The following CLSPN variants were observed in gnomAD, a reference collection of about 807,000 sequenced individuals.
CLSPN encodes the protein claspin homolog.
Under a neutral mutation model 156.3 loss-of-function variants are expected in CLSPN, and 85 were observed. The observed-to-expected ratio is 0.54, with a 90% CI of 0.46 to 0.65. The LOEUF is 0.65. CLSPN is among the 30% of genes least tolerant of loss of function. The pLI is 0.00. For synonymous variants in CLSPN, 534 were observed against 542.4 expected, an observed-to-expected ratio of 0.98 and a Z score of 0.22; for missense variants, 1,407 against 1,554.9, an observed-to-expected ratio of 0.90 and a Z score of 1.60.
rs1281535139 is a variant in CLSPN, at chr1:35,748,040, G to A, written c.2494C>T (p.Pro832Ser). The change falls in exon 14 of 25, where the codon CCT becomes TCT. Residue 832 changes from proline (P) to serine (S), a missense_variant. By Grantham distance (74) the Pro-to-Ser change is moderately conservative. Transcript: ENST00000318121. ...ASKSSGKLSE[P>S]SLPIEDSQDL... Reference sequence around the variant, plus strand: ...TGGGAATCCTCTATGGGAAGTGAAGGCTCAGACAGTTTCCCTGAACTCTGG... The same window carrying A: ...TGGGAATCCTCTATGGGAAGTGAAGACTCAGACAGTTTCCCTGAACTCTGG... 2 of 1,610,508 alleles carry A rather than the reference G, an allele frequency of 1.2e-6. No individual in the cohort carries two copies. The highest frequency in any genetic ancestry group is 1.7e-5 in the Admixed American group (1 of 58,800).
exon 25 of CLSPN, chr1:35,720,852 G>T: frequency 7.1e-7 from 1 of 1,416,882 alleles, no homozygotes; most frequent in Non-Finnish European, 1.0e-6. Flanking sequence ...GCCCAGAATA[G>T]CCCTTCTCCG....
chr1:35,735,168 G>A lies in CLSPN; in HGVS notation c.*1328C>T. On this transcript the variant is annotated 3_prime_UTR_variant, in exon 25 of 25. Transcript: ENST00000318121. ...GCTTCAAATTGAGAATTCAGTCCCA[G>A]GAAGGGTCTCTCTGCCCCACAGACT... The A allele has an allele frequency of 1.0e-6, 1 of 985,420 alleles. No homozygotes were observed. Among genetic ancestry groups the A allele is most frequent in the Non-Finnish European group, 1.2e-6 (1 of 829,936 alleles). 61.0% of individuals were successfully genotyped at this position (985,420 alleles called of 1,614,324 possible).
In CLSPN at chr1:35,738,565, C is replaced by T; in HGVS notation, c.3448G>A (p.Asp1150Asn). ...TCATCAGAGTCTCTGTGGAACAAGT[C>T]CATCTGGGAAGCATCATCTAAACAA... ...WKNIDDASQM[D>N]LFHRDSDDDQ... The change falls in exon 21 of 25, where the codon GAC becomes AAC. Residue 1150 changes from aspartate to asparagine, a missense_variant. Asp to Asn is a conservative substitution (Grantham distance 23). Transcript: ENST00000318121. 2 of 1,613,952 alleles carry T rather than the reference C, an allele frequency of 1.2e-6. No homozygotes were observed. The highest frequency in any genetic ancestry group is 1.7e-6 in the Non-Finnish European group (2 of 1,179,942).
intron 8 of CLSPN, among the ~76,000 whole-genome samples, chr1:35,758,816 T>TTTTTA (rs1642379508): frequency 6.6e-6 from 1 of 150,740 alleles, no homozygotes. Context: ...TTTTTTTTTT[T>TTTTTA]GAGACAGGAT....
chr1:35,747,279 G>A (rs534773459), intron 14 of CLSPN, among the ~76,000 whole-genome samples: 6 of 151,712 alleles, frequency 4.0e-5, no homozygotes, highest in African/African-American at 1.2e-4. Flanking sequence ...CCGAGATCGC[G>A]CCACTGCACT....
In CLSPN at chr1:35,735,219, A is replaced by G; in HGVS notation, c.*1277T>C. On this transcript the variant is annotated 3_prime_UTR_variant, in exon 25 of 25. Coordinates refer to ENST00000318121, the MANE Select transcript of CLSPN (RefSeq NM_022111.4). ...GTGGTGGACAAACACTGGGTGTAAC[A>G]CTTTATCTTCATCCCCAAGCCCCAG... The G allele has an allele frequency of 5.1e-6, 5 of 985,430 alleles. No homozygotes were observed. Among genetic ancestry groups the G allele is most frequent in the Non-Finnish European group, 6.0e-6 (5 of 829,930 alleles). 61.0% of individuals were successfully genotyped at this position (985,430 alleles called of 1,614,324 possible).
At chr1:35,742,216 C>T (rs1439559636) in intron 18 of CLSPN, among the ~76,000 whole-genome samples, 1 of 152,162 alleles carries the variant, frequency 6.6e-6, no homozygotes, top group Admixed American at 6.5e-5. Context: ...AAGTGGCAAA[C>T]TATTAACTGA....
At position 35,769,917 on chromosome 1, in the gene CLSPN, T is replaced by G. The variant is rs2148630661; in HGVS notation, c.-47A>C. The G allele has an allele frequency of 1.2e-6, 2 of 1,601,502 alleles. No homozygotes were observed. The highest frequency in any genetic ancestry group is 1.3e-5 in the African/African-American group (1 of 74,528). On this transcript the variant is annotated 5_prime_UTR_variant, in exon 1 of 25. Transcript: ENST00000318121. ...CCACTAGGGACGGAGCTGTCTCTGATTCCCTCAGCCGGAGAGCAGCGGCTC... is the reference window on the plus strand; with the variant it reads ...CCACTAGGGACGGAGCTGTCTCTGAGTCCCTCAGCCGGAGAGCAGCGGCTC...
chr1:35,769,802 GC>G, intron 1 of CLSPN, 44 bp downstream of exon 1: 1 of 1,572,806 alleles, frequency 6.4e-7, no homozygotes. Flanking sequence ...ACCTCTCGGT[GC>G]CCGGCCTTCT....
intron 23 of CLSPN, 43 bp downstream of exon 23, chr1:35,737,296 A>C: frequency 6.5e-7 from 1 of 1,538,262 alleles, no homozygotes; most frequent in South Asian, 1.1e-5. Context: ...GGCCTTTATA[A>C]CCTGTAGACT....
chr1:35,741,076 A>C (rs889336148), intron 18 of CLSPN, among the ~76,000 whole-genome samples: 8 of 152,218 alleles, frequency 5.3e-5, no homozygotes, highest in African/African-American at 1.9e-4. Context: ...ATTCACATAC[A>C]ATATAATATT....
At chr1:35,753,983 TCTTTC>T in intron 8 of CLSPN, 47 bp from the exon 9 acceptor site, 4 of 1,577,522 alleles carry the variant, frequency 2.5e-6, no homozygotes, top group Non-Finnish European at 2.6e-6. Context: ...TGCTCAAAAC[TCTTTC>T]CTTTAAGACT....
chr1:35,768,821 G>C (rs1642763934), intron 1 of CLSPN, among the ~76,000 whole-genome samples: 1 of 152,178 alleles, frequency 6.6e-6, no homozygotes. Context: ...TGCTTTGAAT[G>C]ACGATTATCT....
Position 35,735,801 on chromosome 1 carries a change from T to G in CLSPN, c.*695A>C. 1 of 985,290 alleles carries G rather than the reference T, an allele frequency of 1.0e-6. No homozygotes were observed. 61.0% of individuals were successfully genotyped at this position (985,290 alleles called of 1,614,324 possible). A position where few individuals can be genotyped will look rare whatever the true frequency, so the allele number is the denominator to read the frequency against. ...GAGTCATTATGGTACTGATTTTCAC[T>G]GTTTAATCTGTAATGTCACACTTTT... On this transcript the variant is annotated 3_prime_UTR_variant, in exon 25 of 25. Transcript: ENST00000318121.
intron 1 of CLSPN, among the ~76,000 whole-genome samples, chr1:35,766,618 A>AT (rs1337536771): frequency 1.4e-5 from 2 of 144,192 alleles, no homozygotes; most frequent in African/African-American, 5.2e-5. Context: ...CTAATTTTGT[A>AT]TTTTTAGTAG....
chr1:35,734,407 C>T lies in CLSPN; in HGVS notation c.*2089G>A, dbSNP rs1641393300. ...AAAACTGTAGAAAACCGGCCGGGTG[C>T]GGTGGCTCATGCCTATAATCCCAGC... On this transcript the variant is annotated 3_prime_UTR_variant, in exon 25 of 25. Transcript: ENST00000318121. The T allele has an allele frequency of 5.1e-6, 5 of 984,202 alleles. No individual in the cohort carries two copies. The highest frequency in any genetic ancestry group is 5.2e-4 in the Middle Eastern group (1 of 1,934). 61.0% of individuals were successfully genotyped at this position (984,202 alleles called of 1,614,324 possible).
chr1:35,752,361 C>T (rs1642117545), intron 9 of CLSPN, among the ~76,000 whole-genome samples: 1 of 151,952 alleles, frequency 6.6e-6, no homozygotes, highest in Non-Finnish European at 1.5e-5. Context: ...GGGCAGATCA[C>T]GAGGTCAGGA....
downstream of CLSPN, among the ~76,000 whole-genome samples, chr1:35,730,652 G>C (rs151089447): frequency 5.3e-5 from 8 of 150,540 alleles, no homozygotes; most frequent in East Asian, 1.6e-3. Context: ...GTCAGAGAAG[G>C]CTTCTCTGAA....
chr1:35,745,250 A>G (rs1332950370), intron 16 of CLSPN, among the ~76,000 whole-genome samples: 1 of 152,176 alleles, frequency 6.6e-6, no homozygotes, highest in Non-Finnish European at 1.5e-5. Flanking sequence ...TTTCTCTATT[A>G]ATGATATTAA....
Sources: gnomAD v4.1 joint callset for allele counts (sites outside exome capture counted in the v4.1 genomes callset) on GRCh38, gnomAD v4.1.1 for gene constraint, MANE v1.5 for transcripts, NCBI Gene and HGNC (gene_info 2026-07-23, HGNC 2026-07-21) for gene names.